NSD2: variants seen among roughly 807,000 people sequenced by gnomAD.
The protein encoded by NSD2 is histone-lysine N-methyltransferase NSD2.
Under a neutral mutation model 139.0 loss-of-function variants are expected in NSD2, and 12 were observed. The ratio of observed to expected loss-of-function variants is 0.09; its 90% CI spans 0.06 to 0.14. The LOEUF (loss-of-function observed/expected upper bound fraction) is 0.14, where lower values mean the gene tolerates loss of function less well. Ranked by LOEUF, NSD2 falls within the 10% of genes least tolerant of loss-of-function variation. The pLI is 1.00. For missense variants in NSD2, 1,155 were observed against 1,745.0 expected (o/e 0.66, Z 6.02); for synonymous variants, 669 against 648.7 (o/e 1.03, Z -0.48).
intron 1 of NSD2, among the ~76,000 whole-genome samples, chr4:1,889,564 C>T (rs979975024): frequency 5.9e-5 from 9 of 151,586 alleles, no homozygotes; most frequent in Non-Finnish European, 1.5e-5. Flanking sequence ...TGCAATGGCA[C>T]CATCTCGGCT....
In NSD2 at chr4:1,955,525, AT is replaced by A; in HGVS notation, c.2519-166del. ...TAATCATTTCGCAAACATACAGGAA[AT>A]TATTTGTGGTGAAAATGACATTTGC... is the stretch of plus-strand genomic sequence containing the variant. On this transcript the variant is annotated intron_variant, in intron 13 of 21. Coordinates refer to ENST00000508803, the MANE Select transcript of NSD2 (RefSeq NM_001042424.3). The surrounding 1 kb of genome is among the most constrained non-coding windows in gnomAD (Gnocchi z 4.7). The A allele has an allele frequency of 1.6e-6, 2 of 1,231,094 alleles. No homozygotes were observed. The highest frequency in any genetic ancestry group is 3.2e-5 in the South Asian group (2 of 62,216). The allele number at this position is 1,231,094 out of a possible 1,614,324, so 76.3% of individuals were successfully genotyped here.
intron 1 of NSD2, among the ~76,000 whole-genome samples, chr4:1,882,743 T>C (rs1714799697): frequency 6.6e-6 from 1 of 152,168 alleles, no homozygotes; most frequent in African/African-American, 2.4e-5. Flanking sequence ...TACCATAACC[T>C]AGTCTCCAGT....
chr4:1,901,106 T>C lies in NSD2; in HGVS notation c.452T>C (p.Val151Ala), dbSNP rs754468750. 3.4e-5 allele frequency: 55 copies of C among 1,614,074 alleles called. No individual in the cohort carries two copies. The highest frequency in any genetic ancestry group is 5.0e-5 in the Admixed American group (3 of 60,006). The change falls in exon 2 of 22, where the codon GTG (valine) becomes GCG (alanine). Residue 151 changes from valine (V) to alanine (A), a missense_variant. Transcript: ENST00000508803. Reference protein sequence around the residue: ...SSICGDSAADVSQSEENGQKP... With the variant: ...SSICGDSAADASQSEENGQKP... ...ATTTGTGGTGACAGTGCTGCTGATG[T>C]GTCTCAGTCAGAAGAAAATGGACAA...
Position 1,980,844 on chromosome 4 carries a change from A to C in NSD2, c.*1935A>C. On this transcript the variant is annotated 3_prime_UTR_variant, in exon 22 of 22. Transcript: ENST00000508803. The stretch of plus-strand genomic sequence containing the variant: ...CAGTTCAGACTCTAACTTCTCCCAA[A>C]GTGTCCTAAGAAAATACTGGATCGG... 4.3e-6 allele frequency: 1 copy of C among 233,306 alleles called. No homozygotes were observed. Among genetic ancestry groups the C allele is most frequent in the Non-Finnish European group, 8.5e-6 (1 of 118,034 alleles). The allele number at this position is 233,306 out of a possible 1,614,324, so 14.5% of individuals were successfully genotyped here. A position where few individuals can be genotyped will look rare whatever the true frequency, so the allele number is the denominator to read the frequency against.
intron 1 of NSD2, among the ~76,000 whole-genome samples, chr4:1,897,345 C>G (rs537272246): frequency 2.0e-5 from 3 of 152,070 alleles, no homozygotes; most frequent in Admixed American, 2.0e-4. Flanking sequence ...GTTAGCTGAG[C>G]ATGGTGGGGT....
chr4:1,879,296 G>A (rs1325629720), intron 1 of NSD2, among the ~76,000 whole-genome samples: 1 of 152,116 alleles, frequency 6.6e-6, no homozygotes, highest in Non-Finnish European at 1.5e-5. Context: ...TCAGCTCGCT[G>A]CAAGCTCCGC....
At chr4:1,879,263 G>A (rs1376697538) in intron 1 of NSD2, among the ~76,000 whole-genome samples, 1 of 151,872 alleles carries the variant, frequency 6.6e-6, no homozygotes, top group Non-Finnish European at 1.5e-5. Flanking sequence ...CTGTCACCCA[G>A]GCTGGAGTGC....
chr4:1,888,997 A>C (rs1343728242), intron 1 of NSD2, among the ~76,000 whole-genome samples: 1 of 150,438 alleles, frequency 6.6e-6, no homozygotes, highest in African/African-American at 2.5e-5. Flanking sequence ...TCCCGGGTTC[A>C]AGTGATTCTT....
At chr4:1,927,873 T>A (rs1721143537) in intron 5 of NSD2, among the ~76,000 whole-genome samples, 1 of 151,618 alleles carries the variant, frequency 6.6e-6, no homozygotes. Flanking sequence ...TGGTTTTCCA[T>A]GTTTTTTTGG....
At chr4:1,978,507 G>A (rs1027332396) in intron 21 of NSD2, 131 bp from the exon 22 acceptor site, 25 of 1,327,866 alleles carry the variant, frequency 1.9e-5, no homozygotes, top group African/African-American at 5.9e-5. Context: ...TTGTCTGCCC[G>A]TCCTGTTCGC....
rs1725180724 is a variant in NSD2 at position 1,959,745 on chromosome 4, G to A, written c.3255+5G>A. ...GCCAAGAGGGACATCAGAAAGGTAT[G>A]TGTCGTTATCCCCTCCCCTGCTTTT... On this transcript the variant is annotated splice_donor_5th_base_variant and intron_variant, in intron 17 of 21. Coordinates refer to ENST00000508803, the MANE Select transcript of NSD2 (RefSeq NM_001042424.3). The A allele has an allele frequency of 6.2e-7, 1 of 1,612,098 alleles. No individual in the cohort carries two copies. The highest frequency in any genetic ancestry group is 8.5e-7 in the Non-Finnish European group (1 of 1,178,222).
chr4:1,932,127 G>A (rs1271935219), intron 6 of NSD2, among the ~76,000 whole-genome samples: 1 of 151,458 alleles, frequency 6.6e-6, no homozygotes, highest in Non-Finnish European at 1.5e-5. Flanking sequence ...ACGCGCCCAT[G>A]ACCTCAGTGT....
At chr4:1,935,296 A>G in intron 7 of NSD2, 34 bp downstream of exon 7, 1 of 1,545,172 alleles carries the variant, frequency 6.5e-7, no homozygotes, top group Non-Finnish European at 8.9e-7. Flanking sequence ...GACCTGTCAG[A>G]GTGTATGCTC....
At chr4:1,960,784 G>T (rs1462326089) in intron 17 of NSD2, among the ~76,000 whole-genome samples, 1 of 152,258 alleles carries the variant, frequency 6.6e-6, no homozygotes, top group Non-Finnish European at 1.5e-5. Context: ...AGACAAGGTC[G>T]TGTAGGAAGC....
Position 1,925,383 on chromosome 4 carries a change from T to C in NSD2, c.1411-5243T>C, listed in dbSNP as rs140988715. On this transcript the variant is annotated intron_variant, in intron 5 of 21. Coordinates refer to ENST00000508803, the MANE Select transcript of NSD2 (RefSeq NM_001042424.3). ...TGACTCTTTAGAGGTCATTTTCTTTTTCTTTCTTTTTTTTTTTTTTTTTTT... is the reference window on the plus strand; with the variant it reads ...TGACTCTTTAGAGGTCATTTTCTTTCTCTTTCTTTTTTTTTTTTTTTTTTT... 3.4e-5 allele frequency among the ~76,000 whole-genome samples: 5 copies of C among 145,378 alleles called. No homozygotes were observed. In the East Asian group the frequency reaches 1.0e-3, roughly 29 times the overall value.
intron 9 of NSD2, chr4:1,943,649 C>T: frequency 1.9e-6 from 2 of 1,046,838 alleles, no homozygotes; most frequent in Non-Finnish European, 2.3e-6. Flanking sequence ...TACATAGCCC[C>T]AAAGATGGTC....
At chr4:1,964,949 C>T (rs571441557) in intron 18 of NSD2, among the ~76,000 whole-genome samples, 1 of 142,168 alleles carries the variant, frequency 7.0e-6, no homozygotes, top group Admixed American at 7.3e-5. Context: ...AAAACAAGAA[C>T]AATAAATAAA....
intron 9 of NSD2, chr4:1,941,796 CT>C (rs1723126797): frequency 9.5e-7 from 1 of 1,050,548 alleles, no homozygotes; most frequent in Non-Finnish European, 1.1e-6. Context: ...GTTAAAACTA[CT>C]TTAGGTGAAC....
At chr4:1,939,137 GCT>G (rs1290492936) in intron 8 of NSD2, 1 of 155,558 alleles carries the variant, frequency 6.4e-6, no homozygotes, top group Non-Finnish European at 1.4e-5. Flanking sequence ...AGTGGCAATG[GCT>G]CTGTTTTTCT....
Sources: allele counts gnomAD v4.1 joint callset (sites outside exome capture counted in the v4.1 genomes callset), GRCh38; gene constraint gnomAD v4.1.1; non-coding constraint Gnocchi (gnomAD v3.1); transcripts MANE v1.5; gene names NCBI Gene and HGNC (gene_info 2026-07-23, HGNC 2026-07-21).